ADSL: variants seen among roughly 807,000 people sequenced by gnomAD.
ADSL encodes adenylosuccinase.
A neutral mutation model predicts 62.1 loss-of-function variants in ADSL; 44 were observed. That is an observed-to-expected ratio of 0.71 (90% CI 0.56 to 0.91). ADSL has a LOEUF of 0.91. Among genes scored for constraint, ADSL ranks in the 40% least tolerant of loss-of-function variants. The pLI is 0.00. For missense variants in ADSL, 531 were observed against 627.4 expected, an observed-to-expected ratio of 0.85 and a Z score of 1.64; for synonymous variants, 198 against 220.5, an observed-to-expected ratio of 0.90 and a Z score of 0.90.
intron 9 of ADSL, 40 bp from the exon 10 acceptor site, chr22:40,362,941 A>C: frequency 6.4e-7 from 1 of 1,555,654 alleles, no homozygotes. Context: ...CACTGAAATT[A>C]TTTGTTTAAA....
intron 2 of ADSL, 36 bp downstream of exon 2, chr22:40,350,071 C>T: frequency 1.3e-6 from 2 of 1,570,458 alleles, no homozygotes; most frequent in Non-Finnish European, 1.8e-6. Context: ...AAAACTCAGT[C>T]TCTAGAATCT....
intron 4 of ADSL, among the ~76,000 whole-genome samples, chr22:40,355,221 C>T (rs1422445538): frequency 6.6e-6 from 1 of 152,182 alleles, no homozygotes; most frequent in African/African-American, 2.4e-5. Flanking sequence ...ACTCTCACTA[C>T]AACCTCTACG....
chr22:40,359,183 C>T (rs2044675946), intron 5 of ADSL, 77 bp from the exon 6 acceptor site: 2 of 1,590,570 alleles, frequency 1.3e-6, no homozygotes, highest in Middle Eastern at 1.7e-4. Context: ...GGAGCGAGAC[C>T]TGGGTAGGAT....
At position 40,366,514 on chromosome 22, in the gene ADSL, T is replaced by C. The variant is rs767124073; in HGVS notation, c.1447T>C (p.Cys483Arg). 5.0e-6 allele frequency: 8 copies of C among 1,608,996 alleles called. No homozygotes were observed. The Admixed American group carries it at 5.0e-5, about 10-fold the overall frequency. The change falls in exon 13 of 13, where the codon TGT (cysteine) becomes CGT (arginine). Residue 483 changes from cysteine (C) to arginine (R), a missense_variant. Physicochemically the swap from Cys to Arg is radical, Grantham distance 180. Transcript: ENST00000623063. ...ESVMKVKAELCL is the reference protein window; with the variant it reads ...ESVMKVKAELRL Reference sequence around the variant, plus strand: ...CGTGATGAAGGTGAAAGCAGAATTATGTCTGTAGAGTTGGAAGAGAATTAA... The same window carrying C: ...CGTGATGAAGGTGAAAGCAGAATTACGTCTGTAGAGTTGGAAGAGAATTAA...
intron 2 of ADSL, among the ~76,000 whole-genome samples, chr22:40,377,554 GGCCTGGTGTCGTGGCTCAC>G (rs2046840961): frequency 6.6e-6 from 1 of 152,166 alleles, no homozygotes; most frequent in Non-Finnish European, 1.5e-5. Context: ...AGTTAAAATA[GGCCTGGTGTCGTGGCTCAC>G]GCCTGTAATC....
chr22:40,372,013 A>G (rs1191274741), downstream of ADSL, among the ~76,000 whole-genome samples: 1 of 149,508 alleles, frequency 6.7e-6, no homozygotes, highest in African/African-American at 2.5e-5. Flanking sequence ...TTAATTTGTA[A>G]TTCTATAGAT....
chr22:40,347,263 GTAGT>G (rs1276152211), intron 1 of ADSL: 3 of 154,236 alleles, frequency 1.9e-5, no homozygotes, highest in East Asian at 3.8e-4. Flanking sequence ...CAGTGCCTGT[GTAGT>G]TAGTGACAGG....
Position 40,365,070 on chromosome 22 carries a change from A to C in ADSL, c.1368+14A>C, listed in dbSNP as rs2044950610. The C allele has an allele frequency of 1.2e-6, 2 of 1,610,176 alleles. No homozygotes were observed. Among genetic ancestry groups the C allele is most frequent in the Non-Finnish European group, 8.5e-7 (1 of 1,177,160 alleles). On this transcript the variant is annotated intron_variant, in intron 12 of 12. Transcript: ENST00000623063. ...GCCTCCCAGCAGGTAAGCTTCCAAG[A>C]AGCCTCTTTTCTGCTGGGCTGCAGA...
intron 3 of ADSL, 162 bp from the exon 4 acceptor site, chr22:40,354,086 T>C: frequency 1.4e-6 from 1 of 723,922 alleles, no homozygotes. Flanking sequence ...TACTGTGAAC[T>C]CTTCCAGGCA....
intron 2 of ADSL, among the ~76,000 whole-genome samples, chr22:40,374,793 T>C (rs1160410976): frequency 2.0e-5 from 3 of 152,180 alleles, no homozygotes; most frequent in Non-Finnish European, 1.5e-5. Context: ...GGCAGGAGGA[T>C]TGCTTGGGCT....
chr22:40,368,326 G>C lies in ADSL; in HGVS notation c.*1804G>C, dbSNP rs539026232. On this transcript the variant is annotated 3_prime_UTR_variant, in exon 13 of 13. Coordinates refer to ENST00000623063, the MANE Select transcript of ADSL (RefSeq NM_000026.4). ...GTTGTGAGGGAGAGGAGGCTGAATC[G>C]GTTCCAGTTTTATTTAAAAGTAGCC... The C allele has an allele frequency of 6.6e-6, 1 of 152,074 alleles. No individual in the cohort carries two copies. The highest frequency in any genetic ancestry group is 1.9e-4 in the East Asian group (1 of 5,192). 9.4% of individuals were successfully genotyped at this position (152,074 alleles called of 1,614,324 possible).
chr22:40,375,726 A>G (rs984851843), intron 2 of ADSL, among the ~76,000 whole-genome samples: 1 of 151,510 alleles, frequency 6.6e-6, no homozygotes, highest in African/African-American at 2.4e-5. Flanking sequence ...CTAGATATCT[A>G]ATTAGCCTGC....
At position 40,366,481 on chromosome 22, in the gene ADSL, T is replaced by C. The variant is rs1057521795; in HGVS notation, c.1414T>C (p.Tyr472His). 5 of 1,613,554 alleles carry C rather than the reference T, an allele frequency of 3.1e-6. No individual in the cohort carries two copies. Among genetic ancestry groups the C allele is most frequent in the African/African-American group, 1.3e-5 (1 of 74,914 alleles). Residue 472 changes from tyrosine (Y) to histidine (H), a missense_variant, in exon 13 of 13, where the codon TAT (tyrosine) becomes CAT (histidine). Physicochemically the swap from Tyr to His is moderately conservative, Grantham distance 83. Around this residue, in one of 2 missense-constraint regions of ADSL, gnomAD observed 471 missense variants for 592.9 expected, o/e 0.79. Coordinates refer to ENST00000623063, the MANE Select transcript of ADSL (RefSeq NM_000026.4). ...GGAGGTGTATCCCCTGTTAAAACCA[T>C]ATGAAAGCGTGATGAAGGTGAAAGC... ...EEEVYPLLKP[Y>H]ESVMKVKAEL...
At chr22:40,348,204 TA>T (rs2044215251) in intron 1 of ADSL, among the ~76,000 whole-genome samples, 1 of 152,190 alleles carries the variant, frequency 6.6e-6, no homozygotes. Context: ...TTTGAAAAGA[TA>T]AATTGCTTGA....
intron 4 of ADSL, among the ~76,000 whole-genome samples, chr22:40,354,819 A>G (rs1195991791): frequency 1.3e-5 from 2 of 151,936 alleles, no homozygotes; most frequent in Non-Finnish European, 2.9e-5. Flanking sequence ...CAGTGAGCCA[A>G]GATCGCACCA....
chr22:40,382,303 A>G (rs2047698067), intron 2 of ADSL, among the ~76,000 whole-genome samples: 1 of 152,168 alleles, frequency 6.6e-6, no homozygotes, highest in South Asian at 2.1e-4. Context: ...AGCAACAATA[A>G]TCATTTTATT....
rs752689664 is a variant in ADSL, at chr22:40,384,759, C to T, written c.90-5471C>T. On this transcript the variant is annotated intron_variant, in intron 2 of 2. Transcript: ENST00000498234. ...TAGCGCCATTGCACTCCAGCCTGGG[C>T]GACAGAGCAAGACTCCACCTCAAAA... Among the ~76,000 whole-genome samples the T allele has an allele frequency of 5.9e-5, 9 of 151,882 alleles. No individual in the cohort carries two copies. In the South Asian group the frequency reaches 1.0e-3, roughly 18 times the overall value.
intron 2 of ADSL, chr22:40,376,179 T>G (rs1046272431): frequency 3.7e-4 from 2 of 5,460 alleles, no homozygotes; most frequent in Non-Finnish European, 2.8e-4. Flanking sequence ...AAATTACCAC[T>G]TTTTTTTTTT....
chr22:40,382,942 G>A (rs769237796), intron 2 of ADSL, among the ~76,000 whole-genome samples: 4 of 152,226 alleles, frequency 2.6e-5, no homozygotes, highest in Admixed American at 6.5e-5. Context: ...TGCTTCCACA[G>A]TAACACTGTA....
Sources: allele counts gnomAD v4.1 joint callset (sites outside exome capture counted in the v4.1 genomes callset), GRCh38; gene constraint gnomAD v4.1.1; regional missense constraint gnomAD v4.1.1; transcripts MANE v1.5; gene names NCBI Gene and HGNC (gene_info 2026-07-23, HGNC 2026-07-21).